Variants in XKR6 observed in about 807,000 individuals in gnomAD.
The protein encoded by XKR6 is XK-related protein 6.
A neutral mutation model predicts 56.7 loss-of-function variants in XKR6; 22 were observed. The ratio of observed to expected loss-of-function variants is 0.39; its 90% CI spans 0.28 to 0.55. XKR6 has a LOEUF of 0.55. XKR6 is among the 20% of genes least tolerant of loss of function. The pLI is 0.66. For missense variants in XKR6, 852 were observed against 889.0 expected (o/e 0.96, Z 0.53); for synonymous variants, 524 against 387.8 (o/e 1.35, Z -4.13).
chr8:10,911,561 T>C (rs1323547043), intron 2 of XKR6, among the ~76,000 whole-genome samples: 1 of 144,722 alleles, frequency 6.9e-6, no homozygotes, highest in Non-Finnish European at 1.5e-5. Context: ...AGAGAGAATA[T>C]CTATATATAT....
At chr8:10,925,619 G>T (rs1396671498) in intron 1 of XKR6, among the ~76,000 whole-genome samples, 4 of 152,174 alleles carry the variant, frequency 2.6e-5, no homozygotes, top group Non-Finnish European at 5.9e-5. Context: ...GAAGAGCAAG[G>T]TTCACAGGTC....
chr8:10,914,498 C>T (rs564865909), intron 2 of XKR6, among the ~76,000 whole-genome samples: 23 of 152,278 alleles, frequency 1.5e-4, no homozygotes, highest in African/African-American at 5.1e-4. Context: ...TGGCCTCTGA[C>T]GTGATGTCTA....
At chr8:10,924,563 T>G in intron 2 of XKR6, 71 bp downstream of exon 2, 1 of 1,529,928 alleles carries the variant, frequency 6.5e-7, no homozygotes. Context: ...GCACGAAGTG[T>G]GTGGGAGGCG....
chr8:11,153,554 T>A (rs1329801554), intron 1 of XKR6, among the ~76,000 whole-genome samples: 1 of 152,340 alleles, frequency 6.6e-6, no homozygotes, highest in East Asian at 1.9e-4. Flanking sequence ...TTATAAGCCA[T>A]AACAGATTTC....
chr8:11,052,277 C>T (rs536480763), intron 1 of XKR6, among the ~76,000 whole-genome samples: 137 of 152,282 alleles, frequency 9.0e-4, no homozygotes, highest in African/African-American at 3.2e-3. Context: ...AGAGGGGCCT[C>T]CCTTGACTCC....
intron 1 of XKR6, among the ~76,000 whole-genome samples, chr8:11,040,735 C>T (rs1217737740): frequency 6.6e-6 from 1 of 152,174 alleles, no homozygotes; most frequent in African/African-American, 2.4e-5. Context: ...ACCTTCACGA[C>T]TGATCGCCCC....
intron 1 of XKR6, among the ~76,000 whole-genome samples, chr8:11,147,867 T>A (rs922688280): frequency 6.6e-6 from 1 of 152,054 alleles, no homozygotes; most frequent in African/African-American, 2.4e-5. Flanking sequence ...ATTCCCAGTA[T>A]CTCAGAATGT....
At chr8:10,945,501 A>T (rs1443107636) in intron 1 of XKR6, among the ~76,000 whole-genome samples, 1 of 152,222 alleles carries the variant, frequency 6.6e-6, no homozygotes, top group Non-Finnish European at 1.5e-5. Context: ...ATAAATAAAA[A>T]TGAAAAGACC....
At chr8:11,142,034 A>AT (rs1254177174) in intron 1 of XKR6, among the ~76,000 whole-genome samples, 1 of 152,072 alleles carries the variant, frequency 6.6e-6, no homozygotes, top group African/African-American at 2.4e-5. Context: ...AAAAAAAAAA[A>AT]AAAGGAAAAA....
Position 11,196,455 on chromosome 8 carries a change from C to CA in XKR6, c.764+4120dup, listed in dbSNP as rs201145912. On this transcript the variant is annotated intron_variant, in intron 1 of 2. Coordinates refer to ENST00000416569, the MANE Select transcript of XKR6 (RefSeq NM_173683.4). ...AAACAAAAAAAACAACAACAACAAC[C>CA]AAAAAAAACAGAAAACATGGAGTAC... is the stretch of plus-strand genomic sequence containing the variant. Among the ~76,000 whole-genome samples the CA allele has an allele frequency of 5.8e-3, 875 of 151,630 alleles. 15 individuals carry two copies. Among genetic ancestry groups the CA allele is most frequent in the African/African-American group, 0.021 (849 of 41,358 alleles).
chr8:10,940,225 G>C (rs993463569), intron 1 of XKR6, among the ~76,000 whole-genome samples: 2 of 152,224 alleles, frequency 1.3e-5, no homozygotes, highest in African/African-American at 2.4e-5. Context: ...CCTAAGCTGA[G>C]AGGTGGCATC....
intron 2 of XKR6, among the ~76,000 whole-genome samples, chr8:10,908,760 G>A (rs996542892): frequency 3.9e-5 from 6 of 152,216 alleles, no homozygotes; most frequent in South Asian, 2.1e-4. Context: ...TGTGTTAAGA[G>A]GTGGGGCCTT....
At chr8:10,965,348 C>G (rs939426803) in intron 1 of XKR6, among the ~76,000 whole-genome samples, 1 of 152,226 alleles carries the variant, frequency 6.6e-6, no homozygotes, top group Non-Finnish European at 1.5e-5. Flanking sequence ...AAGGCTCCTC[C>G]GAGCACCACG....
At chr8:11,105,354 C>G (rs1374260653) in intron 1 of XKR6, 2 of 152,178 alleles carry the variant, frequency 1.3e-5, no homozygotes, top group African/African-American at 2.4e-5. Flanking sequence ...TGGTGAAGTC[C>G]CCATCCTGTC....
chr8:11,029,184 C>T (rs1798936885), intron 1 of XKR6, among the ~76,000 whole-genome samples: 1 of 152,156 alleles, frequency 6.6e-6, no homozygotes, highest in Admixed American at 6.5e-5. Context: ...CCCCTTCACT[C>T]TCATAGTCCC....
At chr8:11,074,355 T>G (rs1206762939) in intron 1 of XKR6, among the ~76,000 whole-genome samples, 1 of 152,094 alleles carries the variant, frequency 6.6e-6, no homozygotes, top group Non-Finnish European at 1.5e-5. Context: ...CTGTGGTAAG[T>G]GTTGAGTTAG....
At position 11,200,490 on chromosome 8, in the gene XKR6, C is replaced by T; in HGVS notation, c.764+86G>A. ...TCCTTCGAGCCCCCCGCGCTGGGCC[C>T]TTTCGAGGGGCCGCCCCGCGAAGCA... On this transcript the variant is annotated intron_variant, in intron 1 of 2. Transcript: ENST00000416569. This position sits in a 1 kb window ranked among gnomAD's most constrained non-coding sequence, Gnocchi z 6.4. The T allele has an allele frequency of 1.5e-6, 2 of 1,351,924 alleles. No individual in the cohort carries two copies. The highest frequency in any genetic ancestry group is 1.9e-5 in the South Asian group (1 of 53,126). 83.7% of individuals were successfully genotyped at this position (1,351,924 alleles called of 1,614,324 possible).
At chr8:11,011,560 C>G (rs749434513) in intron 1 of XKR6, among the ~76,000 whole-genome samples, 1 of 152,142 alleles carries the variant, frequency 6.6e-6, no homozygotes, top group Non-Finnish European at 1.5e-5. Context: ...AGAGAAGAAA[C>G]AGGACAAAAA....
intron 1 of XKR6, among the ~76,000 whole-genome samples, chr8:11,158,069 G>T (rs1460502660): frequency 6.6e-6 from 1 of 152,184 alleles, no homozygotes; most frequent in African/African-American, 2.4e-5. Flanking sequence ...CTTCAAACGT[G>T]TAATCAGTGA....
Sources: allele counts gnomAD v4.1 joint callset (sites outside exome capture counted in the v4.1 genomes callset), GRCh38; gene constraint gnomAD v4.1.1; non-coding constraint Gnocchi (gnomAD v3.1); transcripts MANE v1.5; gene names NCBI Gene and HGNC (gene_info 2026-07-23, HGNC 2026-07-21).